Variants in MDH1B observed in about 807,000 individuals in gnomAD.
MDH1B encodes putative malate dehydrogenase 1B.
A neutral mutation model predicts 61.4 loss-of-function variants in MDH1B; 60 were observed. The observed-to-expected ratio is 0.98, with a 90% CI of 0.79 to 1.21. The LOEUF (loss-of-function observed/expected upper bound fraction) is 1.21, where lower values mean the gene tolerates loss of function less well. Among genes scored for constraint, MDH1B ranks in the 50% most tolerant of loss-of-function variants. The pLI is 0.00. For synonymous variants in MDH1B, 236 were observed against 218.7 expected, an observed-to-expected ratio of 1.08 and a Z score of -0.70; for missense variants, 587 against 632.1, an observed-to-expected ratio of 0.93 and a Z score of 0.76.
chr2:206,749,098 T>G lies in MDH1B; in HGVS notation c.1138A>C (p.Ser380Arg), dbSNP rs888012822. ...RQFGGILAAHSIATTLKYWYH... is the reference protein window; with the variant it reads ...RQFGGILAAHRIATTLKYWYH... The stretch of plus-strand genomic sequence containing the variant: ...CAGTATTTCAGTGTAGTGGCTATAC[T>G]GTGTGCAGCCAAAATGCCTCCAAAT... The change falls in exon 7 of 12, where the codon AGT (serine) becomes CGT (arginine). Residue 380 changes from serine (S) to arginine (R), a missense_variant. Coordinates refer to ENST00000374412, the MANE Select transcript of MDH1B (RefSeq NM_001039845.3). The G allele has an allele frequency of 1.2e-6, 2 of 1,613,412 alleles. No individual in the cohort carries two copies. Among genetic ancestry groups the G allele is most frequent in the Admixed American group, 3.3e-5 (2 of 60,012 alleles).
rs755339934 is a variant in MDH1B, at chr2:206,757,289, C to T, written c.218G>A (p.Gly73Glu). The stretch of plus-strand genomic sequence containing the variant: ...TCCTCCCAAAAGCAAACCCTTTCCT[C>T]CACGATCCAACAGCTCTCTCCAGAT... ...PIIWRELLDR[G>E]GKGLLLGGYN... is the part of the protein sequence containing the mutation. Residue 73 changes from glycine (G) to glutamate (E), a missense_variant, in exon 3 of 12, where the codon GGA (glycine) becomes GAA (glutamate). Physicochemically the swap from Gly to Glu is moderately conservative, Grantham distance 98. Coordinates refer to ENST00000374412, the MANE Select transcript of MDH1B (RefSeq NM_001039845.3). 2.0e-5 allele frequency: 32 copies of T among 1,613,996 alleles called. No homozygotes were observed. In the East Asian group the frequency reaches 5.8e-4, roughly 29 times the overall value.
At chr2:206,759,155 C>A (rs1688946524) in intron 2 of MDH1B, among the ~76,000 whole-genome samples, 1 of 152,018 alleles carries the variant, frequency 6.6e-6, no homozygotes, top group Non-Finnish European at 1.5e-5. Context: ...CTCCGATAGG[C>A]CCCAGTGTGT....
Position 206,761,026 on chromosome 2 carries a change from A to C in MDH1B, c.23-13T>G. On this transcript the variant is annotated splice_polypyrimidine_tract_variant and intron_variant, in intron 1 of 11. Coordinates refer to ENST00000374412, the MANE Select transcript of MDH1B (RefSeq NM_001039845.3). The stretch of plus-strand genomic sequence containing the variant: ...CAATCTGCTCTACCTAAAAGAGTTC[A>C]AATTAGCAATGTTTTCTTTCATCAT... The C allele has an allele frequency of 7.2e-7, 1 of 1,391,062 alleles. No homozygotes were observed. The highest frequency in any genetic ancestry group is 1.0e-6 in the Non-Finnish European group (1 of 989,790). 86.2% of individuals were successfully genotyped at this position (1,391,062 alleles called of 1,614,324 possible).
chr2:206,746,140 AT>A (rs1171178068), intron 8 of MDH1B, 146 bp downstream of exon 8: 11 of 601,830 alleles, frequency 1.8e-5, no homozygotes, highest in Non-Finnish European at 2.7e-5. Flanking sequence ...TCCTTCACTG[AT>A]TTTTTTCAAA....
chr2:206,743,966 C>G (rs1371675965), intron 9 of MDH1B, among the ~76,000 whole-genome samples: 2 of 152,188 alleles, frequency 1.3e-5, no homozygotes, highest in Non-Finnish European at 2.9e-5. Flanking sequence ...TTTCTGCAAA[C>G]AGCCTTGCCT....
At chr2:206,759,224 A>C (rs1688950945) in intron 2 of MDH1B, among the ~76,000 whole-genome samples, 1 of 152,050 alleles carries the variant, frequency 6.6e-6, no homozygotes, top group Non-Finnish European at 1.5e-5. Context: ...TCTAAGTGAG[A>C]ATATGTGGTA....
intron 7 of MDH1B, among the ~76,000 whole-genome samples, chr2:206,746,860 G>A (rs928637269): frequency 6.6e-6 from 1 of 152,116 alleles, no homozygotes; most frequent in Non-Finnish European, 1.5e-5. Context: ...AGGAAATTTG[G>A]TTATTCCTTT....
At chr2:206,746,468 T>C in intron 7 of MDH1B, 42 bp from the exon 8 acceptor site, 1 of 1,569,558 alleles carries the variant, frequency 6.4e-7, no homozygotes, top group Non-Finnish European at 8.6e-7. Flanking sequence ...CAGCAGAACT[T>C]AGAAACATGC....
At position 206,755,293 on chromosome 2, in the gene MDH1B, T is replaced by C; in HGVS notation, c.626A>G (p.His209Arg). Residue 209 changes from histidine to arginine, a missense_variant, in exon 5 of 12, where the codon CAC becomes CGC. Physicochemically the swap from His to Arg is conservative, Grantham distance 29. Coordinates refer to ENST00000374412, the MANE Select transcript of MDH1B (RefSeq NM_001039845.3). ...GCTGTCATCCAGCACCACAATGACG[T>C]GGGCCTGGCGGAAGGCCTCCTCCAC... The part of the protein sequence containing the change: ...TKVEEAFRQA[H>R]VIVVLDDSTN... The C allele has an allele frequency of 6.2e-7, 1 of 1,614,176 alleles. No homozygotes were observed. The highest frequency in any genetic ancestry group is 8.5e-7 in the Non-Finnish European group (1 of 1,180,022).
intron 9 of MDH1B, among the ~76,000 whole-genome samples, chr2:206,744,451 A>G (rs904372389): frequency 6.6e-6 from 1 of 152,228 alleles, no homozygotes; most frequent in African/African-American, 2.4e-5. Context: ...TTCTACATGT[A>G]TATATCCATA....
intron 7 of MDH1B, 131 bp from the exon 8 acceptor site, chr2:206,746,557 G>T (rs561988451): frequency 8.8e-6 from 9 of 1,022,554 alleles, no homozygotes. Context: ...TAAATTTCTC[G>T]GAATTCTTCT....
chr2:206,739,509 T>C (rs545347293), intron 11 of MDH1B, 84 bp downstream of exon 11: 3 of 1,220,690 alleles, frequency 2.5e-6, no homozygotes, highest in East Asian at 4.7e-5. Context: ...ACAAGAATAG[T>C]ATTGCAAGGA....
intron 9 of MDH1B, among the ~76,000 whole-genome samples, chr2:206,744,922 CTAAATAAA>C (rs201554464): frequency 6.7e-6 from 1 of 150,372 alleles, no homozygotes; most frequent in Non-Finnish European, 1.5e-5. Flanking sequence ...AAGACTCTGT[CTAAATAAA>C]TAAATAAATA....
At chr2:206,761,044 T>G (rs914492384) in intron 1 of MDH1B, 31 bp from the exon 2 acceptor site, 2 of 1,183,900 alleles carry the variant, frequency 1.7e-6, no homozygotes, top group Non-Finnish European at 2.5e-6. Flanking sequence ...AATGTTTTCT[T>G]TCATCATGCA....
intron 1 of MDH1B, among the ~76,000 whole-genome samples, chr2:206,763,851 C>T (rs1318538522): frequency 4.6e-5 from 7 of 151,844 alleles, no homozygotes; most frequent in Admixed American, 4.6e-4. Context: ...TTTCAGGTAT[C>T]TGCTTAAAAT....
chr2:206,742,451 C>G (rs1404114389), intron 9 of MDH1B, among the ~76,000 whole-genome samples: 4 of 152,192 alleles, frequency 2.6e-5, no homozygotes, highest in African/African-American at 4.8e-5. Flanking sequence ...GCAACATCCC[C>G]TCCCTGACCC....
intron 11 of MDH1B, among the ~76,000 whole-genome samples, chr2:206,738,843 T>G (rs774173937): frequency 1.3e-5 from 2 of 152,204 alleles, no homozygotes; most frequent in Non-Finnish European, 2.9e-5. Flanking sequence ...GTACCAATTC[T>G]AATTCCCCCT....
rs555554465 is a variant in MDH1B at position 206,759,954 on chromosome 2, G to C, written c.135+947C>G. On this transcript the variant is annotated intron_variant, in intron 2 of 11. Coordinates refer to ENST00000374412, the MANE Select transcript of MDH1B (RefSeq NM_001039845.3). ...GGGAGAGAAAAGGTGATGACTGTCA[G>C]TTTGGCCCTGAAACTATGAGCAGTG... 2.0e-5 allele frequency among the ~76,000 whole-genome samples: 3 copies of C among 152,338 alleles called. No individual in the cohort carries two copies. The East Asian group carries it at 5.8e-4, about 29-fold the overall frequency.
At chr2:206,763,291 T>C (rs567714710) in intron 1 of MDH1B, among the ~76,000 whole-genome samples, 80 of 151,750 alleles carry the variant, frequency 5.3e-4, no homozygotes, top group African/African-American at 1.9e-3. Flanking sequence ...TTCAAACCTC[T>C]GCTTGGGAAC....
Sources: allele counts gnomAD v4.1 joint callset (sites outside exome capture counted in the v4.1 genomes callset), GRCh38; gene constraint gnomAD v4.1.1; transcripts MANE v1.5; gene names NCBI Gene and HGNC (gene_info 2026-07-23, HGNC 2026-07-21).